Variants in SDK1 observed in about 807,000 individuals in gnomAD.
SDK1 encodes sidekick cell adhesion molecule 1.
A neutral mutation model predicts 245.5 loss-of-function variants in SDK1; 157 were observed. That is an observed-to-expected ratio of 0.64 (90% CI 0.56 to 0.73). The LOEUF (loss-of-function observed/expected upper bound fraction) is 0.73. SDK1 is among the 30% of genes least tolerant of loss of function. SDK1 has a pLI of 0.00. For missense variants in SDK1, 3,583 were observed against 3,002.3 expected (o/e 1.19, Z -4.52); for synonymous variants, 1,647 against 1,278.5 (o/e 1.29, Z -6.15).
chr7:3,898,721 T>A (rs550233200), intron 5 of SDK1, among the ~76,000 whole-genome samples: 19 of 152,212 alleles, frequency 1.2e-4, no homozygotes, highest in African/African-American at 4.6e-4. Flanking sequence ...GGTTTTATTA[T>A]GTCACGCCCC....
At position 3,950,933 on chromosome 7, in the gene SDK1, C is replaced by T. The variant is rs117632561; in HGVS notation, c.858C>T (p.Gly286=). ...TTTTCTCTGCCACAGGAGATGTTGG[C>T]ACACCTGAAACCATGGCCCCAACCA... ...FIHLSIARDV[G]TPETMAPTIV... The change falls in exon 6 of 45, where the codon GGC becomes GGT. Residue 286 remains glycine, a synonymous_variant. Coordinates refer to ENST00000404826, the MANE Select transcript of SDK1 (RefSeq NM_152744.4). The T allele has an allele frequency of 0.013, 20,616 of 1,613,028 alleles. 170 individuals are homozygous for T. The highest frequency in any genetic ancestry group is 0.016 in the Non-Finnish European group (18,393 of 1,179,118).
intron 1 of SDK1, among the ~76,000 whole-genome samples, chr7:3,502,326 T>C (rs60430847): frequency 0.032 from 4,892 of 152,270 alleles, 252 homozygotes; most frequent in African/African-American, 0.1. Context: ...CTCGGCTCAC[T>C]GCAACCTCTG....
At chr7:3,470,407 A>G (rs1728393376) in intron 1 of SDK1, among the ~76,000 whole-genome samples, 2 of 152,192 alleles carry the variant, frequency 1.3e-5, no homozygotes, top group African/African-American at 2.4e-5. Flanking sequence ...CAGTTTTAGT[A>G]TAGAAATATA....
At chr7:3,345,759 CAGT>C (rs1162536755) in intron 1 of SDK1, among the ~76,000 whole-genome samples, 2 of 152,108 alleles carry the variant, frequency 1.3e-5, no homozygotes, top group Admixed American at 6.5e-5. Flanking sequence ...ATTGCCTCCT[CAGT>C]AGTAAATAAT....
At chr7:3,839,870 C>T (rs1393238034) in intron 5 of SDK1, among the ~76,000 whole-genome samples, 1 of 152,048 alleles carries the variant, frequency 6.6e-6, no homozygotes, top group African/African-American at 2.4e-5. Flanking sequence ...TAATATCTGT[C>T]TTTTTGCTAT....
chr7:4,258,775 C>T (rs1787782683), intron 44 of SDK1, among the ~76,000 whole-genome samples: 1 of 152,172 alleles, frequency 6.6e-6, no homozygotes, highest in African/African-American at 2.4e-5. Context: ...CCCCCGGGAC[C>T]TGGGAATATA....
chr7:3,745,830 A>G (rs1779598788), intron 4 of SDK1, among the ~76,000 whole-genome samples: 1 of 152,240 alleles, frequency 6.6e-6, no homozygotes, highest in African/African-American at 2.4e-5. Context: ...TGATATGTTT[A>G]TCTCTTGAGA....
chr7:3,549,977 C>T (rs929012174), intron 1 of SDK1, among the ~76,000 whole-genome samples: 1 of 152,000 alleles, frequency 6.6e-6, no homozygotes, highest in Non-Finnish European at 1.5e-5. Context: ...TAACCTACAT[C>T]TTAAAAATAT....
chr7:4,206,098 A>C lies in SDK1; in HGVS notation c.5214+104A>C. 4.0e-6 allele frequency: 3 copies of C among 741,842 alleles called. No individual in the cohort carries two copies. In the South Asian group the frequency reaches 5.6e-5, roughly 14 times the overall value. The allele number at this position is 741,842 out of a possible 1,614,324, so 46.0% of individuals were successfully genotyped here. On this transcript the variant is annotated intron_variant, in intron 36 of 44. Coordinates refer to ENST00000404826, the MANE Select transcript of SDK1 (RefSeq NM_152744.4). Reference sequence around the variant, plus strand: ...CAGCAGCAGACCCCGCAGGCGCTCCACCTGGAGAGCTGGGGCCCAAGCGTC... The same window carrying C: ...CAGCAGCAGACCCCGCAGGCGCTCCCCCTGGAGAGCTGGGGCCCAAGCGTC...
intron 1 of SDK1, among the ~76,000 whole-genome samples, chr7:3,428,728 C>T (rs1323549849): frequency 6.6e-6 from 1 of 152,158 alleles, no homozygotes; most frequent in Non-Finnish European, 1.5e-5. Flanking sequence ...AGCAACATAC[C>T]TGACCTTATC....
intron 4 of SDK1, among the ~76,000 whole-genome samples, chr7:3,644,030 G>C (rs1302816005): frequency 6.6e-6 from 1 of 151,170 alleles, no homozygotes; most frequent in Non-Finnish European, 1.5e-5. Context: ...AGCCTCCTGA[G>C]TAGCTGGGAC....
chr7:3,610,534 G>A (rs2128641916), intron 1 of SDK1, among the ~76,000 whole-genome samples: 1 of 152,290 alleles, frequency 6.6e-6, no homozygotes. Flanking sequence ...AACGGGAATT[G>A]TATTTATCCC....
rs766239896 is a variant in SDK1 at position 4,129,953 on chromosome 7, A to G, written c.3985A>G (p.Ile1329Val). 5 of 1,613,826 alleles carry G rather than the reference A, an allele frequency of 3.1e-6. No individual in the cohort carries two copies. Among genetic ancestry groups the G allele is most frequent in the African/African-American group, 1.3e-5 (1 of 75,054 alleles). The change falls in exon 27 of 45, where the codon ATC becomes GTC. Residue 1329 changes from isoleucine (I) to valine (V), a missense_variant. By Grantham distance (29) the Ile-to-Val change is conservative (BLOSUM62 3). Coordinates refer to ENST00000404826, the MANE Select transcript of SDK1 (RefSeq NM_152744.4). ...KDLDPEPRSHIVRGNHTQSAL... is the reference protein window; with the variant it reads ...KDLDPEPRSHVVRGNHTQSAL... ...CCTGGATCCCGAGCCCAGGAGCCAC[A>G]TCGTGCGAGGGAACCACACGCAGTC...
At chr7:4,128,847 C>G (rs138140320) in intron 26 of SDK1, among the ~76,000 whole-genome samples, 3,344 of 78,650 alleles carry the variant, frequency 0.043, 243 homozygotes, top group African/African-American at 0.08. Flanking sequence ...GGAGTGGGGT[C>G]CCCTGGAATA....
chr7:3,672,796 A>ATATATATATGTATATATAT (rs1554307151), intron 4 of SDK1, among the ~76,000 whole-genome samples: 1 of 53,416 alleles, frequency 1.9e-5, no homozygotes, highest in Non-Finnish European at 3.4e-5. Flanking sequence ...TATATATATA[A>ATATATATATGTATATATAT]AAAATACAGA....
At chr7:3,481,408 G>T (rs918342496) in intron 1 of SDK1, among the ~76,000 whole-genome samples, 10 of 152,212 alleles carry the variant, frequency 6.6e-5, no homozygotes, top group Non-Finnish European at 1.2e-4. Context: ...TGTCAGTCAA[G>T]GATGTGCCGA....
intron 13 of SDK1, among the ~76,000 whole-genome samples, chr7:3,975,757 CTG>C (rs1439722813): frequency 6.6e-6 from 1 of 152,270 alleles, no homozygotes; most frequent in African/African-American, 2.4e-5. Context: ...AACTCCTGTT[CTG>C]TCTCCTTCCA....
chr7:3,413,549 G>A (rs1779272833), intron 1 of SDK1, among the ~76,000 whole-genome samples: 1 of 151,990 alleles, frequency 6.6e-6, no homozygotes, highest in Admixed American at 6.5e-5. Flanking sequence ...ATGAAAATTA[G>A]GCATGGCGGT....
At chr7:3,749,761 G>T (rs1392907122) in intron 4 of SDK1, among the ~76,000 whole-genome samples, 3 of 152,282 alleles carry the variant, frequency 2.0e-5, no homozygotes, top group Non-Finnish European at 4.4e-5. Context: ...GCATTCTAGT[G>T]TTCTGGTCTC....
Sources: allele counts gnomAD v4.1 joint callset (sites outside exome capture counted in the v4.1 genomes callset), GRCh38; gene constraint gnomAD v4.1.1; transcripts MANE v1.5; gene names NCBI Gene and HGNC (gene_info 2026-07-23, HGNC 2026-07-21).